Variants in ATP6V0A4 observed in about 807,000 individuals in gnomAD.
ATP6V0A4 encodes the protein V-type proton ATPase 116 kDa subunit a 4.
Under a neutral mutation model 107.3 loss-of-function variants are expected in ATP6V0A4, and 86 were observed. The observed-to-expected ratio is 0.80, with a 90% CI of 0.67 to 0.96. The LOEUF is 0.96. Among genes scored for constraint, ATP6V0A4 ranks in the 40% least tolerant of loss-of-function variants. The pLI, the probability that ATP6V0A4 is intolerant of heterozygous loss-of-function variation, is 0.00. For missense variants in ATP6V0A4, 908 were observed against 1,045.6 expected, an observed-to-expected ratio of 0.87 and a Z score of 1.81; for synonymous variants, 353 against 381.4, an observed-to-expected ratio of 0.93 and a Z score of 0.87.
chr7:138,715,129 G>A (rs1158404845), intron 20 of ATP6V0A4, among the ~76,000 whole-genome samples: 4 of 152,332 alleles, frequency 2.6e-5, no homozygotes, highest in East Asian at 3.9e-4. Context: ...GCAGGAGCAC[G>A]GCTGCCCACG....
intron 2 of ATP6V0A4, among the ~76,000 whole-genome samples, chr7:138,771,907 C>T (rs967618985): frequency 6.7e-6 from 1 of 150,148 alleles, no homozygotes; most frequent in Non-Finnish European, 1.5e-5. Context: ...AGGCATGAGC[C>T]ACTGCTCTCA....
At chr7:138,790,819 C>T (rs753732177) in intron 1 of ATP6V0A4, among the ~76,000 whole-genome samples, 4 of 152,276 alleles carry the variant, frequency 2.6e-5, no homozygotes, top group Non-Finnish European at 5.9e-5. Context: ...ACCGGAATGA[C>T]ATGATAGCAG....
chr7:138,727,939 G>T (rs1804800770), intron 18 of ATP6V0A4, among the ~76,000 whole-genome samples: 2 of 152,126 alleles, frequency 1.3e-5, no homozygotes, highest in South Asian at 4.1e-4. Context: ...GCTGAACCTG[G>T]TATTTGGCAA....
At chr7:138,786,923 A>G (rs1808203200) in intron 1 of ATP6V0A4, among the ~76,000 whole-genome samples, 1 of 152,254 alleles carries the variant, frequency 6.6e-6, no homozygotes, top group Non-Finnish European at 1.5e-5. Flanking sequence ...AAGAAAAAAA[A>G]AGAATTTAAA....
At position 138,709,673 on chromosome 7, in the gene ATP6V0A4, G is replaced by T; in HGVS notation, c.2380C>A (p.Leu794Met). Residue 794 changes from leucine to methionine, a missense_variant, in exon 21 of 22, where the codon CTG (leucine) becomes ATG (methionine). Transcript: ENST00000310018. ...AAAGCAGAGAGGCCCTCCATGATCA[G>T]AAGGATGGCTACTGTCAGGACAGCA... is the stretch of plus-strand genomic sequence containing the variant. The part of the protein sequence containing the change: ...VFAVLTVAIL[L>M]IMEGLSAFLH... 1 of 1,613,606 alleles carries T rather than the reference G, an allele frequency of 6.2e-7. No individual in the cohort carries two copies. Among genetic ancestry groups the T allele is most frequent in the Non-Finnish European group, 8.5e-7 (1 of 1,179,804 alleles).
Position 138,760,553 on chromosome 7 carries a change from A to T in ATP6V0A4, c.513-675T>A, listed in dbSNP as rs541810341. Among the ~76,000 whole-genome samples the T allele has an allele frequency of 3.9e-5, 6 of 152,016 alleles. No individual in the cohort carries two copies. The East Asian group carries it at 9.6e-4, about 24-fold the overall frequency. ...TATGCATTTTTCCAAAAATATTTTAATACTAAGAGGGAAAAATACATTGAT... is the reference window on the plus strand; with the variant it reads ...TATGCATTTTTCCAAAAATATTTTATTACTAAGAGGGAAAAATACATTGAT... On this transcript the variant is annotated intron_variant, in intron 7 of 21. Coordinates refer to ENST00000310018, the MANE Select transcript of ATP6V0A4 (RefSeq NM_020632.3).
At chr7:138,787,769 G>A (rs115360467) in intron 1 of ATP6V0A4, among the ~76,000 whole-genome samples, 2 of 152,238 alleles carry the variant, frequency 1.3e-5, no homozygotes, top group African/African-American at 4.8e-5. Context: ...AGACTGAGGC[G>A]GAAGGATCGC....
In ATP6V0A4 at chr7:138,706,541, C is replaced by T. The variant is rs1167286316; in HGVS notation, c.*83G>A. 2.6e-5 allele frequency: 39 copies of T among 1,509,160 alleles called. No homozygotes were observed. The highest frequency in any genetic ancestry group is 2.1e-5 in the Non-Finnish European group (23 of 1,094,336). The allele number at this position is 1,509,160 out of a possible 1,614,324, so 93.5% of individuals were successfully genotyped here. On this transcript the variant is annotated 3_prime_UTR_variant, in exon 22 of 22. Transcript: ENST00000310018. ...AGCCAAGAACAACCTTCCCATTGAG[C>T]GCCTTGCAGGGGCTGATATCAAAGA... is the stretch of plus-strand genomic sequence containing the variant.
chr7:138,723,203 TC>T (rs368323570), intron 18 of ATP6V0A4, among the ~76,000 whole-genome samples: 12 of 152,310 alleles, frequency 7.9e-5, no homozygotes, highest in African/African-American at 2.9e-4. Context: ...CAAATTATAG[TC>T]TTGACACTAA....
intron 1 of ATP6V0A4, among the ~76,000 whole-genome samples, chr7:138,793,934 T>G (rs187500293): frequency 4.1e-5 from 6 of 147,974 alleles, no homozygotes; most frequent in Admixed American, 4.0e-4. Context: ...TTCCAAATGG[T>G]GGACTCCAGG....
chr7:138,777,627 A>AC (rs1403926650), intron 2 of ATP6V0A4, among the ~76,000 whole-genome samples: 2 of 140,370 alleles, frequency 1.4e-5, no homozygotes, highest in African/African-American at 6.2e-5. Flanking sequence ...AAAAAAAAAA[A>AC]AAAAATACAC....
chr7:138,771,249 T>C lies in ATP6V0A4; in HGVS notation c.-2A>G. 6.2e-7 allele frequency: 1 copy of C among 1,613,258 alleles called. No individual in the cohort carries two copies. The highest frequency in any genetic ancestry group is 1.3e-5 in the African/African-American group (1 of 75,024). ...CTCGCTTCGAAACACAGACACCATCTTGGCCCAGCCTCGGTCTACAGGAGA... is the reference window on the plus strand; with the variant it reads ...CTCGCTTCGAAACACAGACACCATCCTGGCCCAGCCTCGGTCTACAGGAGA... On this transcript the variant is annotated 5_prime_UTR_variant, in exon 3 of 22. Coordinates refer to ENST00000310018, the MANE Select transcript of ATP6V0A4 (RefSeq NM_020632.3).
At chr7:138,719,802 C>T (rs1419143133) in intron 19 of ATP6V0A4, among the ~76,000 whole-genome samples, 1 of 152,136 alleles carries the variant, frequency 6.6e-6, no homozygotes, top group East Asian at 1.9e-4. Context: ...GGCGGATCAC[C>T]TGAGGTCAGG....
chr7:138,770,914 G>C (rs1371220221), intron 3 of ATP6V0A4, among the ~76,000 whole-genome samples: 3 of 152,070 alleles, frequency 2.0e-5, no homozygotes, highest in Non-Finnish European at 2.9e-5. Context: ...TCCTATAGAG[G>C]AGACAGGCAT....
At position 138,722,040 on chromosome 7, in the gene ATP6V0A4, G is replaced by A. The variant is rs749182995; in HGVS notation, c.2011-15C>T. 1.7e-5 allele frequency: 27 copies of A among 1,613,840 alleles called. No homozygotes were observed. In the South Asian group the frequency reaches 2.7e-4, roughly 16 times the overall value. The stretch of plus-strand genomic sequence containing the variant: ...GATGCCTGCAGCTGACAACAAGCAG[G>A]GAAATGAGGAATGCGCTCAACTCAC... On this transcript the variant is annotated splice_polypyrimidine_tract_variant and intron_variant, in intron 18 of 21. Coordinates refer to ENST00000310018, the MANE Select transcript of ATP6V0A4 (RefSeq NM_020632.3).
rs897482623 is a variant in ATP6V0A4 at position 138,745,354 on chromosome 7, G to A, written c.1321-74C>T. On this transcript the variant is annotated intron_variant, in intron 13 of 21. Coordinates refer to ENST00000310018, the MANE Select transcript of ATP6V0A4 (RefSeq NM_020632.3). ...GACCCCAGAGGGAAGCGTTCTACAG[G>A]ATATCTCCAGCATCACCGGTGCAGG... The A allele has an allele frequency of 1.4e-5, 23 of 1,605,718 alleles. No homozygotes were observed. In the African/African-American group the frequency reaches 1.7e-4, roughly 12 times the overall value.
At chr7:138,751,828 A>G (rs1471529102) in intron 11 of ATP6V0A4, among the ~76,000 whole-genome samples, 2 of 152,088 alleles carry the variant, frequency 1.3e-5, no homozygotes, top group African/African-American at 4.8e-5. Flanking sequence ...ATGAGGTAAC[A>G]GGTGGTATCT....
chr7:138,761,792 G>C (rs924326332), intron 7 of ATP6V0A4, among the ~76,000 whole-genome samples: 3 of 152,074 alleles, frequency 2.0e-5, no homozygotes, highest in African/African-American at 7.2e-5. Flanking sequence ...CGATTCTCCT[G>C]CCTCAACTTC....
chr7:138,713,505 A>T (rs4732327), intron 20 of ATP6V0A4, among the ~76,000 whole-genome samples: 16,316 of 152,068 alleles, frequency 0.11, 1,190 homozygotes, highest in Middle Eastern at 0.16. Flanking sequence ...TGTTCTAGGC[A>T]TTATGCTCAG....
Sources: gnomAD v4.1 joint callset for allele counts (sites outside exome capture counted in the v4.1 genomes callset) on GRCh38, gnomAD v4.1.1 for gene constraint, MANE v1.5 for transcripts, NCBI Gene and HGNC (gene_info 2026-07-23, HGNC 2026-07-21) for gene names.